LAMA3: variants seen among roughly 807,000 people sequenced by gnomAD.
The protein encoded by LAMA3 is laminin subunit alpha 3.
LAMA3 carries 281 observed loss-of-function variants against 402.0 expected under a neutral mutation model. The ratio of observed to expected loss-of-function variants is 0.70; its 90% CI spans 0.63 to 0.77. LAMA3 has a LOEUF of 0.77. Ranked by LOEUF, LAMA3 falls within the 30% of genes least tolerant of loss-of-function variation. LAMA3 has a pLI of 0.00. For missense variants in LAMA3, 3,840 were observed against 4,215.5 expected, an observed-to-expected ratio of 0.91 and a Z score of 2.47; for synonymous variants, 1,431 against 1,558.4, an observed-to-expected ratio of 0.92 and a Z score of 1.93.
chr18:23,928,041 C>G, intron 62 of LAMA3, 82 bp from the exon 63 acceptor site: 1 of 970,084 alleles, frequency 1.0e-6, no homozygotes, highest in Non-Finnish European at 1.7e-6. Flanking sequence ...GTGAAAAGTA[C>G]TAAAGAGCAC....
Position 23,689,508 on chromosome 18 carries a change from G to A in LAMA3, c.-176G>A. On this transcript the variant is annotated 5_prime_UTR_variant, in exon 1 of 75. Coordinates refer to ENST00000313654, the MANE Select transcript of LAMA3 (RefSeq NM_198129.4). ...CCGCGGCAGGTTCCAGAGCTGAGAG[G>A]CCACCCCCACGCCGCGGGCTTCCAG... 3.9e-6 allele frequency: 2 copies of A among 510,158 alleles called. No individual in the cohort carries two copies. The highest frequency in any genetic ancestry group is 6.0e-6 in the Non-Finnish European group (2 of 335,734). The allele number at this position is 510,158 out of a possible 1,614,324, so 31.6% of individuals were successfully genotyped here.
intron 35 of LAMA3, 151 bp downstream of exon 35, chr18:23,861,958 C>A: frequency 1.2e-6 from 1 of 851,276 alleles, no homozygotes; most frequent in Non-Finnish European, 1.8e-6. Flanking sequence ...GGAAGAGACC[C>A]TGCCTCCTGC....
rs542798575 is a variant in LAMA3 at position 23,950,422 on chromosome 18, ACTCAAG to A, written c.9642+267_9642+272del. Among the ~76,000 whole-genome samples the A allele has an allele frequency of 6.6e-5, 10 of 152,344 alleles. No individual in the cohort carries two copies. The East Asian group carries it at 1.9e-3, about 29-fold the overall frequency. On this transcript the variant is annotated intron_variant, in intron 72 of 74. Coordinates refer to ENST00000313654, the MANE Select transcript of LAMA3 (RefSeq NM_198129.4). ...TTGGTTATATGGTCCTAAGGATGTT[ACTCAAG>A]CTCTTTCAGACTTATCTGTAAAATG...
chr18:23,857,931 C>T lies in LAMA3; in HGVS notation c.4224C>T (p.Asn1408=). The T allele has an allele frequency of 1.9e-6, 3 of 1,614,180 alleles. No individual in the cohort carries two copies. The highest frequency in any genetic ancestry group is 2.5e-6 in the Non-Finnish European group (3 of 1,180,014). Residue 1408 remains asparagine (N), a synonymous_variant, in exon 33 of 75, where the codon AAC becomes AAT. Transcript: ENST00000313654. ...CTGAGTGTGTTCCCTGCAATTGCAACAGAGATGGGACTGAGCCAGGAGTGT... is the reference window on the plus strand; with the variant it reads ...CTGAGTGTGTTCCCTGCAATTGCAATAGAGATGGGACTGAGCCAGGAGTGT... ...RFPECVPCNC[N]RDGTEPGVCD...
intron 18 of LAMA3, among the ~76,000 whole-genome samples, chr18:23,816,871 G>T (rs2063186326): frequency 6.6e-6 from 1 of 152,070 alleles, no homozygotes. Context: ...AGGGGGTGGT[G>T]CCACACACCC....
intron 67 of LAMA3, among the ~76,000 whole-genome samples, chr18:23,937,291 G>A (rs1389842150): frequency 6.6e-6 from 1 of 150,926 alleles, no homozygotes; most frequent in African/African-American, 2.4e-5. Context: ...ACTTGAACCC[G>A]GGAGGTGGAG....
chr18:23,881,681 G>A lies in LAMA3; in HGVS notation c.5113-255G>A, dbSNP rs11082828. Among the ~76,000 whole-genome samples the A allele has an allele frequency of 0.8, 121,398 of 152,118 alleles. 49,178 individuals carry two copies. Among genetic ancestry groups the A allele is most frequent in the African/African-American group, 0.95 (39,289 of 41,534 alleles). ...GCCTTGAGATGCTGGAGTGGGATGG[G>A]GACTCAGCTGGCTTGTCCCCACTAT... is the stretch of plus-strand genomic sequence containing the variant. On this transcript the variant is annotated intron_variant, in intron 39 of 74. Coordinates refer to ENST00000313654, the MANE Select transcript of LAMA3 (RefSeq NM_198129.4).
chr18:23,760,262 G>T (rs762311142), intron 7 of LAMA3, among the ~76,000 whole-genome samples: 4 of 151,898 alleles, frequency 2.6e-5, no homozygotes, highest in Non-Finnish European at 5.9e-5. Context: ...CATTTATTAG[G>T]TGCTTTCTAA....
chr18:23,953,534 G>T (rs1305909492), intron 74 of LAMA3, among the ~76,000 whole-genome samples: 1 of 151,860 alleles, frequency 6.6e-6, no homozygotes, highest in Non-Finnish European at 1.5e-5. Context: ...TAGAGGCAGG[G>T]TTTTGCTATG....
rs770499468 is a variant in LAMA3, at chr18:23,729,616, T to TTA, written c.447+15556_447+15557dup. Among the ~76,000 whole-genome samples, 210 of 152,024 alleles carry TTA rather than the reference T, an allele frequency of 1.4e-3. 1 individual carries two copies. The highest frequency in any genetic ancestry group is 4.8e-3 in the African/African-American group (198 of 41,474). On this transcript the variant is annotated intron_variant, in intron 2 of 74. Coordinates refer to ENST00000313654, the MANE Select transcript of LAMA3 (RefSeq NM_198129.4). The stretch of plus-strand genomic sequence containing the variant: ...GTAATCATTTAGAATTTAAAAATGA[T>TTA]TATATATATATATGGCAGATATAAC...
chr18:23,849,752 C>T (rs1309849962), intron 32 of LAMA3, among the ~76,000 whole-genome samples: 2 of 152,138 alleles, frequency 1.3e-5, no homozygotes, highest in Admixed American at 6.5e-5. Context: ...TTTGCCCAAA[C>T]CTGACAGCAT....
chr18:23,901,976 G>A (rs2081086181), intron 48 of LAMA3, among the ~76,000 whole-genome samples: 1 of 152,238 alleles, frequency 6.6e-6, no homozygotes, highest in Non-Finnish European at 1.5e-5. Context: ...TTACAGGCGT[G>A]AGCCACCATG....
intron 37 of LAMA3, among the ~76,000 whole-genome samples, chr18:23,869,897 T>C (rs2144802494): frequency 6.6e-6 from 1 of 151,882 alleles, no homozygotes. Context: ...TGAAACCCTG[T>C]CTCTACTAAA....
Position 23,810,360 on chromosome 18 carries a change from A to T in LAMA3, c.1604-6A>T. ...CGCCTAAGTCTGATTGAATTCTTTC[A>T]TCCAGCCTGCTGGTGTTCAGCCCTT... On this transcript the variant is annotated splice_region_variant and splice_polypyrimidine_tract_variant and intron_variant, in intron 12 of 74. Transcript: ENST00000313654. The T allele has an allele frequency of 3.1e-6, 5 of 1,613,840 alleles. No individual in the cohort carries two copies. Among genetic ancestry groups the T allele is most frequent in the Non-Finnish European group, 4.2e-6 (5 of 1,179,950 alleles).
intron 12 of LAMA3, among the ~76,000 whole-genome samples, chr18:23,795,721 TATA>T (rs1274300819): frequency 7.3e-6 from 1 of 137,794 alleles, no homozygotes; most frequent in African/African-American, 3.1e-5. Context: ...GCTTAAAATA[TATA>T]TATTTTTTTT....
Position 23,901,245 on chromosome 18 carries a change from G to A in LAMA3, c.6123G>A (p.Arg2041=). ...YEAKLSDLRA[R]LQEAAAQAKQ... is the part of the protein sequence containing the mutation. The stretch of plus-strand genomic sequence containing the variant: ...CCAAACTCAGTGACCTTCGTGCTCG[G>A]CTGCAGGAGGCAGCTGCCCAAGCCA... The change falls in exon 48 of 75, where the codon CGG becomes CGA. Residue 2041 remains arginine (R), a synonymous_variant. Transcript: ENST00000313654. 6.2e-7 allele frequency: 1 copy of A among 1,614,146 alleles called. No homozygotes were observed. The highest frequency in any genetic ancestry group is 8.5e-7 in the Non-Finnish European group (1 of 1,180,008).
At chr18:23,717,515 A>G (rs1183757445) in intron 2 of LAMA3, among the ~76,000 whole-genome samples, 1 of 150,202 alleles carries the variant, frequency 6.7e-6, no homozygotes, top group East Asian at 1.9e-4. Flanking sequence ...AGTTTGACAA[A>G]TAAAAACATT....
intron 67 of LAMA3, among the ~76,000 whole-genome samples, 174 bp downstream of exon 67, chr18:23,934,109 T>C (rs1485818973): frequency 6.6e-6 from 1 of 152,218 alleles, no homozygotes; most frequent in Non-Finnish European, 1.5e-5. Flanking sequence ...CTTTTTAGCT[T>C]GTATTTCGCA....
At chr18:23,811,833 A>T (rs894890206) in intron 13 of LAMA3, among the ~76,000 whole-genome samples, 2 of 152,094 alleles carry the variant, frequency 1.3e-5, no homozygotes, top group Non-Finnish European at 2.9e-5. Context: ...CCTGGGCAAC[A>T]TAATGAGATC....
Sources: gnomAD v4.1 joint callset for allele counts (sites outside exome capture counted in the v4.1 genomes callset) on GRCh38, gnomAD v4.1.1 for gene constraint, MANE v1.5 for transcripts, NCBI Gene and HGNC (gene_info 2026-07-23, HGNC 2026-07-21) for gene names.